The following GALNT14 variants were observed in gnomAD, a reference collection of about 807,000 sequenced individuals.
GALNT14 encodes the protein polypeptide N-acetylgalactosaminyltransferase 14.
GALNT14 carries 60 observed loss-of-function variants against 77.5 expected under a neutral mutation model. The observed-to-expected ratio is 0.77, with a 90% CI of 0.63 to 0.96. GALNT14 has a LOEUF of 0.96. GALNT14 is among the 40% of genes least tolerant of loss of function. The pLI is 0.00. For missense variants in GALNT14, 710 were observed against 731.0 expected, an observed-to-expected ratio of 0.97 and a Z score of 0.33; for synonymous variants, 280 against 281.7, an observed-to-expected ratio of 0.99 and a Z score of 0.06.
intron 1 of GALNT14, among the ~76,000 whole-genome samples, chr2:31,032,614 T>C (rs1672486260): frequency 1.3e-5 from 2 of 152,162 alleles, no homozygotes; most frequent in Admixed American, 6.5e-5. Context: ...AGTGCACAAC[T>C]TGATTCTGCA....
At chr2:31,033,449 CCT>C (rs1236067081) in intron 1 of GALNT14, among the ~76,000 whole-genome samples, 1 of 152,134 alleles carries the variant, frequency 6.6e-6, no homozygotes, top group Non-Finnish European at 1.5e-5. Flanking sequence ...TGGAGTCTAC[CCT>C]GTTGGCTACC....
intron 6 of GALNT14, among the ~76,000 whole-genome samples, chr2:30,953,305 CTTTTTTTT>C (rs34668885): frequency 2.6e-5 from 3 of 117,112 alleles, no homozygotes; most frequent in Admixed American, 1.8e-4. Flanking sequence ...AATTTCCTTC[CTTTTTTTT>C]TTTTTTTTTT....
At chr2:30,931,787 C>T (rs534778664) in intron 10 of GALNT14, among the ~76,000 whole-genome samples, 2 of 152,228 alleles carry the variant, frequency 1.3e-5, no homozygotes, top group South Asian at 4.1e-4. Context: ...CCATGCCCTG[C>T]AGGAGGGCAT....
At chr2:30,905,916 TAAAG>T (rs541855858), downstream of GALNT14, among the ~76,000 whole-genome samples, 787 of 151,962 alleles carry the variant, frequency 5.2e-3, 6 homozygotes, top group African/African-American at 0.018. Flanking sequence ...TCAACATTCT[TAAAG>T]AAAAGAATTT....
chr2:30,906,677 AG>A (rs1187475148), downstream of GALNT14, among the ~76,000 whole-genome samples: 5 of 152,072 alleles, frequency 3.3e-5, no homozygotes, highest in Non-Finnish European at 5.9e-5. Context: ...AAGGATACCC[AG>A]GAATTAAACT....
At chr2:30,979,401 T>G (rs1668846177) in intron 2 of GALNT14, among the ~76,000 whole-genome samples, 1 of 151,944 alleles carries the variant, frequency 6.6e-6, no homozygotes, top group Admixed American at 6.6e-5. Context: ...GTTTGCTACC[T>G]TGAGAGGCAG....
intron 2 of GALNT14, 142 bp from the exon 3 acceptor site, chr2:30,966,444 G>T: frequency 1.6e-6 from 1 of 619,312 alleles, no homozygotes; most frequent in Non-Finnish European, 2.9e-6. Context: ...AGAGTACTAG[G>T]TAAGACCCCA....
chr2:30,952,400 C>A (rs1033738038), intron 6 of GALNT14, among the ~76,000 whole-genome samples: 4 of 151,080 alleles, frequency 2.6e-5, no homozygotes, highest in Non-Finnish European at 5.9e-5. Flanking sequence ...GAAAATGTGG[C>A]ACATATACAC....
At chr2:30,981,794 C>A (rs1295589554) in intron 2 of GALNT14, among the ~76,000 whole-genome samples, 1 of 152,178 alleles carries the variant, frequency 6.6e-6, no homozygotes, top group Non-Finnish European at 1.5e-5. Flanking sequence ...CTGGAACTGA[C>A]CTTAATAAGC....
At chr2:31,077,224 A>T (rs1675860011) in intron 1 of GALNT14, among the ~76,000 whole-genome samples, 2 of 152,256 alleles carry the variant, frequency 1.3e-5, no homozygotes, top group South Asian at 4.1e-4. Context: ...CCAAGGTCAC[A>T]GAAGTGAGTA....
At chr2:31,095,208 T>C (rs1432282429) in intron 1 of GALNT14, among the ~76,000 whole-genome samples, 3 of 152,138 alleles carry the variant, frequency 2.0e-5, no homozygotes, top group Non-Finnish European at 4.4e-5. Flanking sequence ...TTGTTGGATA[T>C]CTTAATGTCA....
chr2:30,911,117 C>G, intron 14 of GALNT14, 58 bp from the exon 15 acceptor site: 1 of 1,530,880 alleles, frequency 6.5e-7, no homozygotes, highest in Non-Finnish European at 9.0e-7. Flanking sequence ...ATGGGAGTTC[C>G]AGCTTTATCA....
At chr2:31,042,818 A>C (rs1182977065) in intron 1 of GALNT14, among the ~76,000 whole-genome samples, 1 of 152,176 alleles carries the variant, frequency 6.6e-6, no homozygotes, top group African/African-American at 2.4e-5. Flanking sequence ...TAGCCTCCTA[A>C]TAAGTCTCCC....
At chr2:31,021,576 G>T (rs1671721374) in intron 1 of GALNT14, among the ~76,000 whole-genome samples, 1 of 152,156 alleles carries the variant, frequency 6.6e-6, no homozygotes, top group Non-Finnish European at 1.5e-5. Context: ...AAAGTGCTGG[G>T]ATTATAGGCA....
intron 6 of GALNT14, among the ~76,000 whole-genome samples, chr2:30,951,860 G>C: frequency 6.6e-6 from 1 of 152,134 alleles, no homozygotes; most frequent in East Asian, 1.9e-4. Flanking sequence ...GAGACCTGGG[G>C]CCCCAGGAAC....
intron 9 of GALNT14, among the ~76,000 whole-genome samples, chr2:30,934,299 GT>G (rs1665926032): frequency 6.6e-6 from 1 of 152,140 alleles, no homozygotes; most frequent in Non-Finnish European, 1.5e-5. Flanking sequence ...TCAGTCTCAT[GT>G]CTGTGCTCCA....
Position 31,056,465 on chromosome 2 carries a change from T to C in GALNT14, c.130-63458A>G, listed in dbSNP as rs187168270. Reference sequence around the variant, plus strand: ...GTCCAAGATCCTCAGCCTCAGGGCATGGGAAGCCACTGGCCAGACATTATG... The same window carrying C: ...GTCCAAGATCCTCAGCCTCAGGGCACGGGAAGCCACTGGCCAGACATTATG... On this transcript the variant is annotated intron_variant, in intron 1 of 14. Coordinates refer to ENST00000349752, the MANE Select transcript of GALNT14 (RefSeq NM_024572.4). 2.8e-3 allele frequency among the ~76,000 whole-genome samples: 425 copies of C among 152,248 alleles called. 1 individual carries two copies. The highest frequency in any genetic ancestry group is 4.1e-3 in the Non-Finnish European group (281 of 68,016).
intron 14 of GALNT14, among the ~76,000 whole-genome samples, chr2:30,911,371 G>A (rs1345571359): frequency 5.3e-5 from 8 of 152,088 alleles, no homozygotes; most frequent in African/African-American, 9.7e-5. Flanking sequence ...CCTAAGAAAC[G>A]ATCCACACTC....
intron 1 of GALNT14, among the ~76,000 whole-genome samples, chr2:31,028,349 C>T (rs1020474367): frequency 9.9e-5 from 15 of 152,198 alleles, no homozygotes; most frequent in Admixed American, 5.9e-4. Context: ...CTCCCTCCTC[C>T]TCCCACCATG....
Sources: gnomAD v4.1 joint callset for allele counts (sites outside exome capture counted in the v4.1 genomes callset) on GRCh38, gnomAD v4.1.1 for gene constraint, MANE v1.5 for transcripts, NCBI Gene and HGNC (gene_info 2026-07-23, HGNC 2026-07-21) for gene names.